Variants in METTL15 observed in about 807,000 individuals in gnomAD.
The protein encoded by METTL15 is methyltransferase 15, mitochondrial 12S rRNA N4-cytidine.
Under a neutral mutation model 38.3 loss-of-function variants are expected in METTL15, and 34 were observed. That is an observed-to-expected ratio of 0.89 (90% CI 0.68 to 1.18). The LOEUF (loss-of-function observed/expected upper bound fraction) is 1.18. METTL15 is among the 50% of genes most tolerant of loss of function. The pLI is 0.00. For missense variants in METTL15, 438 were observed against 498.4 expected, an observed-to-expected ratio of 0.88 and a Z score of 1.15; for synonymous variants, 162 against 170.9, an observed-to-expected ratio of 0.95 and a Z score of 0.41.
At chr11:28,196,867 T>C (rs1851929227) in intron 3 of METTL15, among the ~76,000 whole-genome samples, 1 of 151,982 alleles carries the variant, frequency 6.6e-6, no homozygotes. Context: ...GGTACCAATA[T>C]AGTTAAATTG....
intron 4 of METTL15, among the ~76,000 whole-genome samples, chr11:28,221,948 T>A (rs1853247484): frequency 6.6e-6 from 1 of 152,078 alleles, no homozygotes; most frequent in Non-Finnish European, 1.5e-5. Flanking sequence ...CCGTGTGAGG[T>A]GTTAGTCTGC....
intron 3 of METTL15, among the ~76,000 whole-genome samples, chr11:28,121,663 C>T (rs1299057566): frequency 2.0e-5 from 3 of 152,052 alleles, no homozygotes; most frequent in South Asian, 2.1e-4. Context: ...TAGAAATAGA[C>T]AATTGTTTTA....
intron 4 of METTL15, among the ~76,000 whole-genome samples, chr11:28,251,652 C>G (rs939120322): frequency 6.6e-6 from 1 of 152,024 alleles, no homozygotes; most frequent in Non-Finnish European, 1.5e-5. Flanking sequence ...ACAGTAGTCT[C>G]TTGGTTCCTT....
chr11:28,178,921 ATTGTT>A (rs1462252585), intron 3 of METTL15, among the ~76,000 whole-genome samples: 3 of 151,800 alleles, frequency 2.0e-5, no homozygotes, highest in Non-Finnish European at 4.4e-5. Context: ...AGAAGTACAA[ATTGTT>A]TTCAGACTAG....
intron 6 of METTL15, among the ~76,000 whole-genome samples, chr11:28,513,968 C>T (rs1209138359): frequency 6.6e-6 from 1 of 152,166 alleles, no homozygotes; most frequent in Non-Finnish European, 1.5e-5. Flanking sequence ...AGTTTTGGGG[C>T]CAGTTTATGG....
intron 6 of METTL15, among the ~76,000 whole-genome samples, chr11:28,501,576 C>T (rs149567155): frequency 1.3e-3 from 198 of 152,174 alleles, no homozygotes; most frequent in African/African-American, 4.6e-3. Flanking sequence ...CTTTTGGTGG[C>T]GCTTTCAGCA....
At chr11:28,267,726 C>A (rs1016544469) in intron 4 of METTL15, among the ~76,000 whole-genome samples, 1 of 152,076 alleles carries the variant, frequency 6.6e-6, no homozygotes, top group Admixed American at 6.6e-5. Context: ...CAGAGGTTAC[C>A]TAACTTGGCT....
intron 3 of METTL15, among the ~76,000 whole-genome samples, chr11:28,199,381 A>G (rs1199128997): frequency 6.6e-6 from 1 of 152,084 alleles, no homozygotes; most frequent in East Asian, 1.9e-4. Flanking sequence ...GTACCCAGCA[A>G]TCCCTTCACT....
At chr11:28,199,870 G>C (rs745890068) in intron 3 of METTL15, among the ~76,000 whole-genome samples, 2 of 151,780 alleles carry the variant, frequency 1.3e-5, no homozygotes, top group Non-Finnish European at 2.9e-5. Context: ...AGCCTCCCAA[G>C]TAGCTGGGAT....
intron 3 of METTL15, among the ~76,000 whole-genome samples, chr11:28,344,709 G>A (rs1010398742): frequency 6.6e-6 from 1 of 152,132 alleles, no homozygotes; most frequent in African/African-American, 2.4e-5. Context: ...AAGCTAAGCT[G>A]GGCCCTCACA....
chr11:28,332,526 C>T lies in METTL15; in HGVS notation c.*1685C>T, dbSNP rs1849843790. The T allele has an allele frequency of 6.6e-6, 1 of 150,512 alleles. No individual in the cohort carries two copies. The highest frequency in any genetic ancestry group is 6.6e-5 in the Admixed American group (1 of 15,170). 9.3% of individuals were successfully genotyped at this position (150,512 alleles called of 1,614,324 possible). A position where few individuals can be genotyped will look rare whatever the true frequency, so the allele number is the denominator to read the frequency against. ...GTACTGGGTTGAATGGTGTCCTCTC[C>T]AAAATTCATGTACTTCCTGGAGCCT... On this transcript the variant is annotated 3_prime_UTR_variant, in exon 7 of 7. Coordinates refer to ENST00000407364, the MANE Select transcript of METTL15 (RefSeq NM_001113528.2).
chr11:28,453,974 A>G (rs972286242), intron 6 of METTL15, among the ~76,000 whole-genome samples: 1 of 152,242 alleles, frequency 6.6e-6, no homozygotes, highest in Non-Finnish European at 1.5e-5. Context: ...ATACTGTATT[A>G]TTGAGAATAC....
At chr11:28,212,425 T>G (rs1001626881) in intron 4 of METTL15, among the ~76,000 whole-genome samples, 2 of 152,162 alleles carry the variant, frequency 1.3e-5, no homozygotes, top group Non-Finnish European at 2.9e-5. Flanking sequence ...GCATTCATAT[T>G]TGCGAAACGT....
chr11:28,215,397 T>C (rs918417343), intron 4 of METTL15, among the ~76,000 whole-genome samples: 3 of 152,016 alleles, frequency 2.0e-5, no homozygotes, highest in Admixed American at 2.0e-4. Flanking sequence ...TTCTGGTTTC[T>C]ATGACCCACG....
chr11:28,523,216 G>A (rs566504349), intron 6 of METTL15, among the ~76,000 whole-genome samples: 32 of 152,290 alleles, frequency 2.1e-4, no homozygotes, highest in Admixed American at 3.3e-4. Flanking sequence ...GTGCTCTTGG[G>A]CACATAAGTA....
chr11:28,438,399 C>G (rs1045223492), intron 6 of METTL15, among the ~76,000 whole-genome samples: 2 of 152,160 alleles, frequency 1.3e-5, no homozygotes, highest in African/African-American at 4.8e-5. Context: ...ATCGGGTTGT[C>G]TGGTAGATCT....
At chr11:28,531,393 A>C (rs957004273), downstream of METTL15, among the ~76,000 whole-genome samples, 1 of 151,988 alleles carries the variant, frequency 6.6e-6, no homozygotes, top group Non-Finnish European at 1.5e-5. Context: ...AACTTAAGGA[A>C]CTCACGTGCC....
At chr11:28,295,533 G>A (rs1408757063) in intron 5 of METTL15, among the ~76,000 whole-genome samples, 4 of 151,968 alleles carry the variant, frequency 2.6e-5, no homozygotes, top group Admixed American at 2.6e-4. Flanking sequence ...CCCTGGAGGT[G>A]GAGGTTGCAA....
chr11:28,203,053 G>A (rs1228820906), intron 3 of METTL15, among the ~76,000 whole-genome samples: 1 of 152,024 alleles, frequency 6.6e-6, no homozygotes, highest in Non-Finnish European at 1.5e-5. Flanking sequence ...CAACTCCAGA[G>A]AGGAGTCTGA....
Sources: gnomAD v4.1 joint callset for allele counts (sites outside exome capture counted in the v4.1 genomes callset) on GRCh38, gnomAD v4.1.1 for gene constraint, MANE v1.5 for transcripts, NCBI Gene and HGNC (gene_info 2026-07-23, HGNC 2026-07-21) for gene names.